MAFG: variants seen among roughly 807,000 people sequenced by gnomAD.
MAFG encodes transcription factor MafG.
A neutral mutation model predicts 12.2 loss-of-function variants in MAFG; 3 were observed. That is an observed-to-expected ratio of 0.25 (90% confidence interval 0.11 to 0.64). The LOEUF (loss-of-function observed/expected upper bound fraction) is 0.64. MAFG is among the 30% of genes least tolerant of loss of function. The pLI, the probability that MAFG is intolerant of heterozygous loss-of-function variation, is 0.85. For synonymous variants in MAFG, 126 were observed against 109.1 expected (o/e 1.15, Z -0.96); for missense variants, 153 against 235.5 (o/e 0.65, Z 2.29).
intron 1 of MAFG, among the ~76,000 whole-genome samples, chr17:81,925,745 T>C (rs1468944178): frequency 6.7e-6 from 1 of 150,144 alleles, no homozygotes; most frequent in East Asian, 2.0e-4. Context: ...GAGGCAGAGC[T>C]TGCAGTGAGC....
Position 81,923,265 on chromosome 17 carries a change from C to G in MAFG, c.-29-51G>C, listed in dbSNP as rs1393206192. 7.9e-5 allele frequency: 70 copies of G among 884,264 alleles called. 1 individual carries two copies. The African/African-American group carries it at 1.2e-3, about 16-fold the overall frequency. The allele number at this position is 884,264 out of a possible 1,614,324, so 54.8% of individuals were successfully genotyped here. ...CCCTGGAGACCACCCTCGCCGCACC[C>G]CCCCCCCCCCGCCCCCGGCCCAGTT... On this transcript the variant is annotated intron_variant, in intron 1 of 2. Transcript: ENST00000357736.
At position 81,926,422 on chromosome 17, in the gene MAFG, G is replaced by A. The variant is rs1262492171; in HGVS notation, c.-30+1106C>T. On this transcript the variant is annotated intron_variant, in intron 1 of 2. Transcript: ENST00000357736. This position sits in a 1 kb window ranked among gnomAD's most constrained non-coding sequence, Gnocchi z 4.6. ...GCCAACTGGGGAGAGAGGCTGGGCT[G>A]CTTCCTCCCCTTTGCCGTTTCCTGG... is the stretch of plus-strand genomic sequence containing the variant. Among the ~76,000 whole-genome samples the A allele has an allele frequency of 6.6e-6, 1 of 152,106 alleles. No individual in the cohort carries two copies. Among genetic ancestry groups the A allele is most frequent in the African/African-American group, 2.4e-5 (1 of 41,420 alleles).
chr17:81,923,573 A>C (rs2040917114), intron 1 of MAFG: 2 of 174,958 alleles, frequency 1.1e-5, no homozygotes, highest in Non-Finnish European at 2.4e-5. Flanking sequence ...TTTAAAAATA[A>C]CCCCGGCACT....
chr17:81,922,717 A>G lies in MAFG; in HGVS notation c.377T>C (p.Val126Ala). ...GGCAAGGGGGCCCCGGGCTGGCGCC[A>G]CGGGGCTGCGGGCCACCGTCCGGGC... The part of the protein sequence containing the change: ...TFARTVARSP[V>A]APARGPLAAG... The change falls in exon 3 of 3, where the codon GTG becomes GCG. Residue 126 changes from valine to alanine, a missense_variant. Coordinates refer to ENST00000357736, the MANE Select transcript of MAFG (RefSeq NM_002359.4). 1 of 1,552,816 alleles carries G rather than the reference A, an allele frequency of 6.4e-7. No individual in the cohort carries two copies. The highest frequency in any genetic ancestry group is 2.3e-5 in the East Asian group (1 of 42,986).
In MAFG at chr17:81,923,488, C is replaced by T. The variant is rs1229698386; in HGVS notation, c.-29-274G>A. The T allele has an allele frequency of 8.2e-6, 3 of 365,700 alleles. No homozygotes were observed. The Admixed American group carries it at 1.3e-4, about 16-fold the overall frequency. The allele number at this position is 365,700 out of a possible 1,614,324, so 22.7% of individuals were successfully genotyped here. ...AACTGAAGGCTGTTAGGAAGGCAGG[C>T]GCAAGACAAGGGGCAGGGGAGAGAT... On this transcript the variant is annotated intron_variant, in intron 1 of 2. Coordinates refer to ENST00000357736, the MANE Select transcript of MAFG (RefSeq NM_002359.4).
chr17:81,923,749 G>C (rs1035019551), intron 1 of MAFG, among the ~76,000 whole-genome samples: 2 of 152,112 alleles, frequency 1.3e-5, no homozygotes, highest in Admixed American at 6.5e-5. Flanking sequence ...CCCTGTGTGT[G>C]CATCTTCCAG....
Position 81,923,210 on chromosome 17 carries a change from GCT to G in MAFG, c.-27_-26del. 1 of 1,571,246 alleles carries G rather than the reference GCT, an allele frequency of 6.4e-7. No homozygotes were observed. The highest frequency in any genetic ancestry group is 8.6e-7 in the Non-Finnish European group (1 of 1,161,570). On this transcript the variant is annotated splice_region_variant and 5_prime_UTR_variant, in exon 2 of 3. Coordinates refer to ENST00000357736, the MANE Select transcript of MAFG (RefSeq NM_002359.4). ...TAACCCGGGGGCACAGCGAGCAGGC[GCT>G]CTCTGCAAGACACGGAGCAGGTCAG...
rs1212466870 is a variant in MAFG, at chr17:81,926,679, C to T, written c.-30+849G>A. ...ACTGCTCCAGACTTGGGACCAGGACCAGCTGCCGGAAAAGAGCCGCCTGGG... is the reference window on the plus strand; with the variant it reads ...ACTGCTCCAGACTTGGGACCAGGACTAGCTGCCGGAAAAGAGCCGCCTGGG... On this transcript the variant is annotated intron_variant, in intron 1 of 2. Transcript: ENST00000357736. This position sits in a 1 kb window ranked among gnomAD's most constrained non-coding sequence, Gnocchi z 4.6. 1.3e-5 allele frequency among the ~76,000 whole-genome samples: 2 copies of T among 152,174 alleles called. No individual in the cohort carries two copies.
rs1473498879 is a variant in MAFG, at chr17:81,922,280, C to G, written c.*325G>C. ...GCGAGGCCCAGCGTGCCTGCTCCTT[C>G]TCTCTCCCGCAACTCTCTCTAGTCC... On this transcript the variant is annotated 3_prime_UTR_variant, in exon 3 of 3. Coordinates refer to ENST00000357736, the MANE Select transcript of MAFG (RefSeq NM_002359.4). The G allele has an allele frequency of 5.0e-6, 1 of 199,380 alleles. No homozygotes were observed. Among genetic ancestry groups the G allele is most frequent in the Non-Finnish European group, 1.0e-5 (1 of 99,302 alleles). The allele number at this position is 199,380 out of a possible 1,614,324, so 12.4% of individuals were successfully genotyped here.
chr17:81,920,096 CG>C lies in MAFG; in HGVS notation c.*2508del, dbSNP rs1406497753. ...AAGGAGGGCCTGTTTCTCCCCACTC[CG>C]AGGCAGATCATGACGTTTTCTTCAT... On this transcript the variant is annotated 3_prime_UTR_variant, in exon 3 of 3. Transcript: ENST00000357736. 6.6e-6 allele frequency: 1 copy of C among 152,166 alleles called. No individual in the cohort carries two copies. The highest frequency in any genetic ancestry group is 1.5e-5 in the Non-Finnish European group (1 of 68,028). The allele number at this position is 152,166 out of a possible 1,614,324, so 9.4% of individuals were successfully genotyped here. A position where few individuals can be genotyped will look rare whatever the true frequency, so the allele number is the denominator to read the frequency against.
chr17:81,928,670 G>A (rs1009564269), upstream of MAFG, among the ~76,000 whole-genome samples: 5 of 152,172 alleles, frequency 3.3e-5, no homozygotes, highest in Non-Finnish European at 5.9e-5. The surrounding 1 kb of genome is among the most constrained non-coding windows in gnomAD (Gnocchi z 8.1). Flanking sequence ...TAGTCGTCGG[G>A]GACCTGCTCC....
rs2040885683 is a variant in MAFG, at chr17:81,921,211, T to C, written c.*1394A>G. 1 of 152,106 alleles carries C rather than the reference T, an allele frequency of 6.6e-6. No homozygotes were observed. The highest frequency in any genetic ancestry group is 1.5e-5 in the Non-Finnish European group (1 of 68,076). 9.4% of individuals were successfully genotyped at this position (152,106 alleles called of 1,614,324 possible). A position where few individuals can be genotyped will look rare whatever the true frequency, so the allele number is the denominator to read the frequency against. On this transcript the variant is annotated 3_prime_UTR_variant, in exon 3 of 3. Coordinates refer to ENST00000357736, the MANE Select transcript of MAFG (RefSeq NM_002359.4). ...TGGAGGGGGGCATGACAGAACCCCA[T>C]GTCTCACCTCCTACGGACCAGGAGC...
upstream of MAFG, chr17:81,928,144 C>A (rs1224172201): frequency 1.3e-5 from 2 of 152,190 alleles, no homozygotes; most frequent in Non-Finnish European, 2.9e-5. This position sits in a 1 kb window ranked among gnomAD's most constrained non-coding sequence, Gnocchi z 8.1. Context: ...GCCGGGGCCC[C>A]GCGATTCCAA....
chr17:81,923,387 G>A, intron 1 of MAFG, 173 bp from the exon 2 acceptor site: 1 of 507,674 alleles, frequency 2.0e-6, no homozygotes, highest in African/African-American at 2.0e-5. Flanking sequence ...CTCCCAGGCT[G>A]GGCTGAGCTG....
chr17:81,927,905 G>C (rs1006856232), upstream of MAFG: 3 of 152,196 alleles, frequency 2.0e-5, no homozygotes, highest in African/African-American at 7.2e-5. Flanking sequence ...GGCGGGCCTG[G>C]GCGCACGGCC....
intron 1 of MAFG, among the ~76,000 whole-genome samples, chr17:81,925,807 C>CA (rs753192299): frequency 0.053 from 2,465 of 46,878 alleles, 103 homozygotes; most frequent in African/African-American, 0.16. Context: ...GACTCCGTCT[C>CA]AAAAAAAAAA....
rs1035142954 is a variant in MAFG at position 81,926,707 on chromosome 17, G to T, written c.-30+821C>A. On this transcript the variant is annotated intron_variant, in intron 1 of 2. Transcript: ENST00000357736. This position sits in a 1 kb window ranked among gnomAD's most constrained non-coding sequence, Gnocchi z 4.6. ...CTGCCGGAAAAGAGCCGCCTGGGAAGGGGTGGACCGCCCGGGGCTTCACCT... is the reference window on the plus strand; with the variant it reads ...CTGCCGGAAAAGAGCCGCCTGGGAATGGGTGGACCGCCCGGGGCTTCACCT... Among the ~76,000 whole-genome samples, 2 of 152,196 alleles carry T rather than the reference G, an allele frequency of 1.3e-5. No homozygotes were observed. Among genetic ancestry groups the T allele is most frequent in the Non-Finnish European group, 2.9e-5 (2 of 68,040 alleles).
chr17:81,918,453 G>C lies in MAFG; in HGVS notation c.*4152C>G. The C allele has an allele frequency of 5.4e-6, 1 of 185,250 alleles. No individual in the cohort carries two copies. Among genetic ancestry groups the C allele is most frequent in the Non-Finnish European group, 1.1e-5 (1 of 88,874 alleles). The allele number at this position is 185,250 out of a possible 1,614,324, so 11.5% of individuals were successfully genotyped here. On this transcript the variant is annotated 3_prime_UTR_variant, in exon 3 of 3. Coordinates refer to ENST00000357736, the MANE Select transcript of MAFG (RefSeq NM_002359.4). ...GCACCAAGGCCACTGCCCTGCAAGAGGTCAGGCCCCTGCCCGCCCTACACG... is the reference window on the plus strand; with the variant it reads ...GCACCAAGGCCACTGCCCTGCAAGACGTCAGGCCCCTGCCCGCCCTACACG...
chr17:81,927,802 G>A (rs1265807263), upstream of MAFG: 1 of 152,142 alleles, frequency 6.6e-6, no homozygotes, highest in African/African-American at 2.4e-5. Context: ...AAAGGGGAAG[G>A]CGCGGCGGCG....
Sources: gnomAD v4.1 joint callset for allele counts (sites outside exome capture counted in the v4.1 genomes callset) on GRCh38, gnomAD v4.1.1 for gene constraint, Gnocchi (gnomAD v3.1) non-coding constraint, MANE v1.5 for transcripts, NCBI Gene and HGNC (gene_info 2026-07-23, HGNC 2026-07-21) for gene names.